Variants in NUP188 observed in about 807,000 individuals in gnomAD.
NUP188 encodes nucleoporin NUP188.
In NUP188, 97 loss-of-function variants were observed where a neutral mutation model predicts 223.0. The observed-to-expected ratio is 0.43, with a 90% CI of 0.37 to 0.51. The LOEUF is 0.51. Ranked by LOEUF, NUP188 falls within the 20% of genes least tolerant of loss-of-function variation. The pLI is 0.00. For missense variants in NUP188, 1,947 were observed against 2,175.6 expected (o/e 0.89, Z 2.09); for synonymous variants, 869 against 828.0 (o/e 1.05, Z -0.85).
intron 3 of NUP188, among the ~76,000 whole-genome samples, chr9:128,953,775 C>T (rs1564549299): frequency 6.6e-6 from 1 of 151,954 alleles, no homozygotes; most frequent in Non-Finnish European, 1.5e-5. Flanking sequence ...GTCATGGTCA[C>T]ACAGCTACTA....
At chr9:128,976,061 G>A (rs1038881790) in intron 12 of NUP188, among the ~76,000 whole-genome samples, 1 of 152,164 alleles carries the variant, frequency 6.6e-6, no homozygotes, top group African/African-American at 2.4e-5. Flanking sequence ...GACCTCAAGT[G>A]ATCTGCCTGC....
intron 23 of NUP188, 150 bp downstream of exon 23, chr9:128,987,867 A>G (rs2131172092): frequency 4.1e-6 from 5 of 1,233,276 alleles, no homozygotes; most frequent in Admixed American, 4.3e-5. Flanking sequence ...TGGCTGCTGT[A>G]TAGATTGGCG....
At position 128,998,539 on chromosome 9, in the gene NUP188, T is replaced by C; in HGVS notation, c.3431T>C (p.Leu1144Pro). 1 of 1,613,822 alleles carries C rather than the reference T, an allele frequency of 6.2e-7. No homozygotes were observed. Among genetic ancestry groups the C allele is most frequent in the Non-Finnish European group, 8.5e-7 (1 of 1,179,712 alleles). Residue 1144 changes from leucine to proline, a missense_variant and splice_region_variant, in exon 32 of 44, where the codon CTC (leucine) becomes CCC (proline). Leu to Pro is a moderately conservative substitution (Grantham distance 98). This residue lies in a region of NUP188 where 905 missense variants were observed against 990.6 expected (regional missense o/e 0.91). Transcript: ENST00000372577. ...GACTGGTGTGCTGTCTCCTTTCAGC[T>C]CCTAGTTCCAGCCTCAGTGAACTGC... ...LDVLDGTKAL[L>P]LVPASVNCLR...
intron 8 of NUP188, 45 bp from the exon 9 acceptor site, chr9:128,968,461 A>T: frequency 6.9e-7 from 1 of 1,453,166 alleles, no homozygotes; most frequent in Non-Finnish European, 9.6e-7. Context: ...ACTGTTTTTA[A>T]TCTCATGTTA....
At chr9:128,996,201 A>T (rs540471940) in intron 30 of NUP188, among the ~76,000 whole-genome samples, 9 of 151,604 alleles carry the variant, frequency 5.9e-5, no homozygotes, top group African/African-American at 1.9e-4. Context: ...CCAGGCTGGA[A>T]TGCAGTGGTG....
intron 12 of NUP188, among the ~76,000 whole-genome samples, chr9:128,977,336 G>A (rs1397124203): frequency 1.3e-5 from 2 of 151,738 alleles, no homozygotes; most frequent in African/African-American, 2.4e-5. Context: ...AGCCAGGATG[G>A]TCTCGATCTC....
At chr9:128,998,321 A>G (rs1175785135) in intron 31 of NUP188, 93 bp downstream of exon 31, 10 of 1,221,846 alleles carry the variant, frequency 8.2e-6, no homozygotes, top group Non-Finnish European at 1.2e-5. Flanking sequence ...CAGCCGCACA[A>G]ATAGTCAGGT....
At chr9:128,974,393 T>G (rs1356618668) in intron 12 of NUP188, among the ~76,000 whole-genome samples, 5 of 148,758 alleles carry the variant, frequency 3.4e-5, no homozygotes, top group Non-Finnish European at 6.0e-5. Context: ...GTTGTTGTTT[T>G]TTTTTTTTTT....
Position 128,999,824 on chromosome 9 carries a change from A to C in NUP188, c.3843+19A>C, listed in dbSNP as rs377239683. On this transcript the variant is annotated intron_variant, in intron 34 of 43. Transcript: ENST00000372577. Reference sequence around the variant, plus strand: ...TGATGGGGTGAGACAGTGCCCTAGAAGGCCATCCGTCCTTTCCACTGCCCG... The same window carrying C: ...TGATGGGGTGAGACAGTGCCCTAGACGGCCATCCGTCCTTTCCACTGCCCG... The C allele has an allele frequency of 5.8e-4, 930 of 1,612,612 alleles. 1 individual carries two copies. Among genetic ancestry groups the C allele is most frequent in the Non-Finnish European group, 7.5e-4 (887 of 1,178,984 alleles).
At chr9:128,986,944 C>A in intron 22 of NUP188, 69 bp downstream of exon 22, 1 of 1,384,548 alleles carries the variant, frequency 7.2e-7, no homozygotes, top group Non-Finnish European at 1.0e-6. Flanking sequence ...CTGTGCAAAG[C>A]CGTCTCAGTT....
chr9:128,978,142 G>T (rs935825672), intron 12 of NUP188, among the ~76,000 whole-genome samples: 2 of 151,954 alleles, frequency 1.3e-5, no homozygotes, highest in African/African-American at 4.8e-5. Flanking sequence ...AGGCGGAGGC[G>T]AGAAGATCAC....
chr9:128,972,444 A>G (rs994148721), intron 11 of NUP188, among the ~76,000 whole-genome samples: 1 of 152,218 alleles, frequency 6.6e-6, no homozygotes, highest in East Asian at 1.9e-4. Context: ...GTGGAGCAGG[A>G]GGTCTGAATT....
At chr9:128,980,460 A>G in intron 13 of NUP188, 146 bp from the exon 14 acceptor site, 1 of 770,336 alleles carries the variant, frequency 1.3e-6, no homozygotes, top group Non-Finnish European at 2.0e-6. Flanking sequence ...CAGTGGAAAT[A>G]TGAAAGTCTT....
At chr9:128,991,938 C>T (rs1472464315) in intron 25 of NUP188, among the ~76,000 whole-genome samples, 30 of 134,078 alleles carry the variant, frequency 2.2e-4, no homozygotes, top group Non-Finnish European at 3.4e-4. Flanking sequence ...GACGGAGTCT[C>T]GCTCTGTTGC....
At position 128,969,503 on chromosome 9, in the gene NUP188, CTTAT is replaced by C. The variant is rs780594725; in HGVS notation, c.904_907del (p.Ile302ValfsTer7). 33 of 1,552,920 alleles carry C rather than the reference CTTAT, an allele frequency of 2.1e-5. No homozygotes were observed. The highest frequency in any genetic ancestry group is 8.7e-6 in the Non-Finnish European group (10 of 1,153,064). ...ACTGCATCAGTTTGCGCAGGATGGG[CTTAT>C]TTGTCAGGTGACTTGGAATAGCCTC... is the stretch of plus-strand genomic sequence containing the variant. On this transcript the variant is annotated frameshift_variant, in exon 10 of 44. Transcript: ENST00000372577. LOFTEE classifies it high-confidence loss of function.
chr9:129,003,837 G>A, intron 38 of NUP188: 1 of 319,252 alleles, frequency 3.1e-6, no homozygotes. Flanking sequence ...GCTGGGCGTG[G>A]TGGCACGTGA....
chr9:128,954,900 C>T (rs1159244540), intron 3 of NUP188, among the ~76,000 whole-genome samples: 1 of 151,000 alleles, frequency 6.6e-6, no homozygotes, highest in Non-Finnish European at 1.5e-5. Context: ...GTTGCCCATG[C>T]TCGCGTGCAA....
chr9:128,980,690 C>T lies in NUP188; in HGVS notation c.1354C>T (p.Arg452Ter), dbSNP rs754767570. Reference protein sequence around the residue: ...HLLSPLLQLLRALVSGKSTAK... With the variant: ...HLLSPLLQLL ...TCTCTCCCCACTCCTGCAACTGCTCCGAGCCCTGGTATCAGGGAAGTCCAC... is the reference window on the plus strand; with the variant it reads ...TCTCTCCCCACTCCTGCAACTGCTCTGAGCCCTGGTATCAGGGAAGTCCAC... The change falls in exon 14 of 44, where the codon CGA (arginine) becomes TGA (stop). Residue 452 changes from arginine (R) to a stop codon, truncating the protein, a stop_gained. Coordinates refer to ENST00000372577, the MANE Select transcript of NUP188 (RefSeq NM_015354.3). LOFTEE classifies it high-confidence loss of function. 2.5e-6 allele frequency: 4 copies of T among 1,613,964 alleles called. No homozygotes were observed. The highest frequency in any genetic ancestry group is 1.3e-5 in the African/African-American group (1 of 74,908).
At chr9:128,971,077 G>A in intron 11 of NUP188, 119 bp downstream of exon 11, 1 of 760,764 alleles carries the variant, frequency 1.3e-6, no homozygotes, top group East Asian at 2.5e-5. Flanking sequence ...CCTTTTGAGA[G>A]CATTTAGACA....
Sources: gnomAD v4.1 joint callset for allele counts (sites outside exome capture counted in the v4.1 genomes callset) on GRCh38, gnomAD v4.1.1 for gene constraint, gnomAD v4.1.1 regional missense constraint, MANE v1.5 for transcripts, NCBI Gene and HGNC (gene_info 2026-07-23, HGNC 2026-07-21) for gene names.